PATJ: variants seen among roughly 807,000 people sequenced by gnomAD.
PATJ encodes PATJ crumbs cell polarity complex component.
Under a neutral mutation model 224.9 loss-of-function variants are expected in PATJ, and 190 were observed. The ratio of observed to expected loss-of-function variants is 0.84; its 90% CI spans 0.75 to 0.95. PATJ has a LOEUF of 0.95. Among genes scored for constraint, PATJ ranks in the 40% least tolerant of loss-of-function variants. PATJ has a pLI of 0.00. For synonymous variants in PATJ, 769 were observed against 820.3 expected, an observed-to-expected ratio of 0.94 and a Z score of 1.07; for missense variants, 2,121 against 2,270.3, an observed-to-expected ratio of 0.93 and a Z score of 1.34.
intron 6 of PATJ, among the ~76,000 whole-genome samples, chr1:61,774,465 A>G (rs561080152): frequency 2.0e-5 from 3 of 152,338 alleles, no homozygotes; most frequent in African/African-American, 7.2e-5. Context: ...TATTGCTAAT[A>G]TCTTTAATGG....
intron 41 of PATJ, among the ~76,000 whole-genome samples, chr1:62,140,367 T>C (rs1057128337): frequency 2.0e-5 from 3 of 152,130 alleles, no homozygotes; most frequent in African/African-American, 7.2e-5. Flanking sequence ...AAAAATTGAT[T>C]TTTGGCCGAG....
chr1:61,745,148 C>T (rs1459241276), intron 1 of PATJ, among the ~76,000 whole-genome samples: 1 of 152,150 alleles, frequency 6.6e-6, no homozygotes, highest in Non-Finnish European at 1.5e-5. Flanking sequence ...CAATGCCTAT[C>T]TGTTCAGATT....
At chr1:62,075,012 C>T (rs1448052141) in intron 31 of PATJ, among the ~76,000 whole-genome samples, 1 of 152,160 alleles carries the variant, frequency 6.6e-6, no homozygotes, top group African/African-American at 2.4e-5. Context: ...CTACCTCAAG[C>T]ACATATCAAA....
intron 41 of PATJ, among the ~76,000 whole-genome samples, chr1:62,132,827 C>G (rs1388995956): frequency 1.3e-5 from 2 of 151,786 alleles, no homozygotes; most frequent in Non-Finnish European, 2.9e-5. Flanking sequence ...TTGCTTGAGC[C>G]CGGGGGGCAG....
chr1:62,104,680 T>C (rs1189976859), intron 33 of PATJ, among the ~76,000 whole-genome samples: 1 of 152,190 alleles, frequency 6.6e-6, no homozygotes, highest in Non-Finnish European at 1.5e-5. Context: ...TTTTTTATTT[T>C]TTTATTTTTT....
At chr1:62,096,784 T>C (rs1481847008) in intron 33 of PATJ, among the ~76,000 whole-genome samples, 1 of 152,122 alleles carries the variant, frequency 6.6e-6, no homozygotes, top group Non-Finnish European at 1.5e-5. Context: ...CCCAGCTAAC[T>C]TTTTGTATTT....
At chr1:61,819,626 G>A (rs752700145) in intron 14 of PATJ, among the ~76,000 whole-genome samples, 61 of 151,918 alleles carry the variant, frequency 4.0e-4, no homozygotes, top group African/African-American at 9.2e-4. Context: ...GTGGGGGGGC[G>A]CGGGTGGGAA....
chr1:61,964,078 T>TTCCC (rs537427716), intron 27 of PATJ, among the ~76,000 whole-genome samples: 10 of 151,786 alleles, frequency 6.6e-5, no homozygotes, highest in East Asian at 1.9e-4. Flanking sequence ...TCCTTCCTTC[T>TTCCC]TCCCTCCCTC....
At chr1:62,117,707 T>C (rs72917614) in intron 37 of PATJ, among the ~76,000 whole-genome samples, 3,334 of 152,270 alleles carry the variant, frequency 0.022, 52 homozygotes, top group African/African-American at 0.041. Flanking sequence ...GGTGATATTT[T>C]GTGGGTTAGC....
intron 10 of PATJ, 134 bp from the exon 11 acceptor site, chr1:61,797,153 C>A: frequency 1.0e-6 from 1 of 969,420 alleles, no homozygotes; most frequent in Non-Finnish European, 1.6e-6. Context: ...GGATTACAGG[C>A]GTGAGCCACC....
At chr1:61,803,147 A>C (rs1652880023) in intron 12 of PATJ, among the ~76,000 whole-genome samples, 2 of 152,162 alleles carry the variant, frequency 1.3e-5, no homozygotes, top group African/African-American at 4.8e-5. Flanking sequence ...TTTTTTTATT[A>C]TTACAATGAC....
At chr1:62,059,208 AG>A (rs754641320) in intron 31 of PATJ, among the ~76,000 whole-genome samples, 4 of 152,130 alleles carry the variant, frequency 2.6e-5, no homozygotes, top group Non-Finnish European at 5.9e-5. Flanking sequence ...TGGCTGGCAG[AG>A]GGCCTTGTGG....
At chr1:61,899,680 T>C in intron 23 of PATJ, 26 bp downstream of exon 23, 1 of 1,511,124 alleles carries the variant, frequency 6.6e-7, no homozygotes, top group Non-Finnish European at 9.1e-7. Flanking sequence ...TATTGTGGCT[T>C]TCTCAATAGG....
chr1:61,916,869 C>T (rs1257859543), intron 26 of PATJ, among the ~76,000 whole-genome samples: 1 of 152,206 alleles, frequency 6.6e-6, no homozygotes, highest in African/African-American at 2.4e-5. Context: ...GAGTCCAAAA[C>T]TGTCCTCTTG....
intron 31 of PATJ, among the ~76,000 whole-genome samples, chr1:62,077,243 A>G (rs772513291): frequency 3.3e-5 from 5 of 152,212 alleles, no homozygotes; most frequent in Non-Finnish European, 7.3e-5. Flanking sequence ...CAATGAGGCT[A>G]GTAAATGTGG....
intron 42 of PATJ, among the ~76,000 whole-genome samples, chr1:62,149,608 T>TA (rs58909236): frequency 2.9e-3 from 426 of 145,786 alleles, no homozygotes; most frequent in Middle Eastern, 3.5e-3. Flanking sequence ...GCCTTTTCCT[T>TA]AAAAAAAAAA....
intron 27 of PATJ, among the ~76,000 whole-genome samples, chr1:61,962,926 A>G (rs1377182299): frequency 1.3e-5 from 2 of 152,200 alleles, no homozygotes; most frequent in Non-Finnish European, 2.9e-5. Flanking sequence ...AGAAAGGGCA[A>G]CCTTCCTCCT....
chr1:62,123,668 G>A (rs1286829904), intron 39 of PATJ, among the ~76,000 whole-genome samples: 2 of 149,304 alleles, frequency 1.3e-5, no homozygotes, highest in East Asian at 4.2e-4. Context: ...TAGTAGAGAC[G>A]GGTTTTCACC....
intron 16 of PATJ, among the ~76,000 whole-genome samples, chr1:61,828,542 A>G (rs7525984): frequency 2.0e-5 from 3 of 151,810 alleles, no homozygotes; most frequent in African/African-American, 7.3e-5. Flanking sequence ...GGCACATGCC[A>G]CCACACCCAG....
Sources: allele counts gnomAD v4.1 joint callset (sites outside exome capture counted in the v4.1 genomes callset), GRCh38; gene constraint gnomAD v4.1.1; transcripts MANE v1.5; gene names NCBI Gene and HGNC (gene_info 2026-07-23, HGNC 2026-07-21).